The following ADAM18 variants were observed in gnomAD, a reference collection of about 807,000 sequenced individuals.
ADAM18 encodes the protein disintegrin and metalloproteinase domain-containing protein 18.
A neutral mutation model predicts 94.4 loss-of-function variants in ADAM18; 117 were observed. That is an observed-to-expected ratio of 1.24 (90% CI 1.07 to 1.45). ADAM18 has a LOEUF of 1.45. Ranked by LOEUF, ADAM18 falls within the 40% of genes most tolerant of loss-of-function variation. ADAM18 has a pLI of 0.00. For synonymous variants in ADAM18, 327 were observed against 291.6 expected, an observed-to-expected ratio of 1.12 and a Z score of -1.24; for missense variants, 936 against 880.0, an observed-to-expected ratio of 1.06 and a Z score of -0.81.
intron 3 of ADAM18, among the ~76,000 whole-genome samples, chr8:39,607,107 A>G (rs2129578370): frequency 6.6e-6 from 1 of 152,310 alleles, no homozygotes; most frequent in Admixed American, 6.5e-5. Context: ...TCTATTTTTA[A>G]CAAGTTTACT....
intron 2 of ADAM18, among the ~76,000 whole-genome samples, chr8:39,596,488 T>A (rs1027829979): frequency 1.3e-5 from 2 of 152,226 alleles, no homozygotes; most frequent in Non-Finnish European, 1.5e-5. Context: ...AAGATTCTTT[T>A]ATGTCTTTTA....
chr8:39,718,690 C>G (rs1171706969), intron 18 of ADAM18, among the ~76,000 whole-genome samples: 2 of 149,960 alleles, frequency 1.3e-5, no homozygotes, highest in African/African-American at 2.4e-5. Context: ...CAATCTAGAT[C>G]TCTCGTTAGG....
At chr8:39,589,499 G>A (rs1406747100) in intron 2 of ADAM18, among the ~76,000 whole-genome samples, 1 of 151,890 alleles carries the variant, frequency 6.6e-6, no homozygotes, top group African/African-American at 2.4e-5. Context: ...TACATATTGT[G>A]TATAAATTAT....
chr8:39,708,466 A>G (rs1453041548), intron 18 of ADAM18, among the ~76,000 whole-genome samples: 1 of 152,226 alleles, frequency 6.6e-6, no homozygotes, highest in African/African-American at 2.4e-5. Flanking sequence ...TTTATTCTCA[A>G]TGAACTCTGG....
rs529058875 is a variant in ADAM18 at position 39,631,652 on chromosome 8, TG to T, written c.588+2216del. Among the ~76,000 whole-genome samples the T allele has an allele frequency of 2.0e-5, 3 of 152,128 alleles. No homozygotes were observed. In the East Asian group the frequency reaches 5.8e-4, roughly 29 times the overall value. On this transcript the variant is annotated intron_variant, in intron 7 of 19. Transcript: ENST00000265707. ...ATCTTAATTATTGCTTTGACTATTC[TG>T]GGCCCCTTTTATTTAAATCCATTTT... is the stretch of plus-strand genomic sequence containing the variant.
rs1820402066 is a variant in ADAM18 at position 39,647,072 on chromosome 8, T to A, written c.1047-1272T>A. ...AAAGAAATAAGACACAGAGACAAAG[T>A]ATAGAGAAAAACAGTGGGCCCAGGA... is the stretch of plus-strand genomic sequence containing the variant. On this transcript the variant is annotated intron_variant, in intron 11 of 19. Transcript: ENST00000265707. Among the ~76,000 whole-genome samples, 4 of 151,580 alleles carry A rather than the reference T, an allele frequency of 2.6e-5. No homozygotes were observed. The South Asian group carries it at 6.3e-4, about 24-fold the overall frequency.
At chr8:39,609,811 T>G (rs1326115682) in intron 5 of ADAM18, among the ~76,000 whole-genome samples, 1 of 152,148 alleles carries the variant, frequency 6.6e-6, no homozygotes, top group Non-Finnish European at 1.5e-5. Context: ...AAATATCTCC[T>G]TAAGTATGAT....
intron 2 of ADAM18, among the ~76,000 whole-genome samples, chr8:39,603,719 G>A (rs1295038770): frequency 6.6e-6 from 1 of 152,112 alleles, no homozygotes. Flanking sequence ...GACCCTTGAT[G>A]AGCACATTAA....
intron 14 of ADAM18, among the ~76,000 whole-genome samples, chr8:39,669,168 G>A (rs1185005118): frequency 6.6e-6 from 1 of 150,614 alleles, no homozygotes; most frequent in Non-Finnish European, 1.5e-5. Context: ...TTTCTGTAAG[G>A]TTCATTAAGT....
intron 14 of ADAM18, 75 bp downstream of exon 14, chr8:39,668,271 C>T (rs1821051737): frequency 4.4e-6 from 6 of 1,359,090 alleles, no homozygotes; most frequent in South Asian, 1.4e-5. Flanking sequence ...TACCACACAA[C>T]TCTAGAAGTG....
intron 14 of ADAM18, among the ~76,000 whole-genome samples, chr8:39,673,343 A>C (rs1821207925): frequency 6.6e-6 from 1 of 152,100 alleles, no homozygotes; most frequent in South Asian, 2.1e-4. Context: ...TTGTACTTTA[A>C]GTTCTAGGGT....
intron 18 of ADAM18, among the ~76,000 whole-genome samples, chr8:39,709,026 T>A (rs1187008075): frequency 6.6e-6 from 1 of 152,114 alleles, no homozygotes; most frequent in Non-Finnish European, 1.5e-5. Flanking sequence ...TCATGTGAGG[T>A]GGTAGCTCTC....
intron 14 of ADAM18, among the ~76,000 whole-genome samples, chr8:39,672,054 C>T (rs1563300538): frequency 1.3e-5 from 2 of 151,392 alleles, no homozygotes; most frequent in Non-Finnish European, 3.0e-5. Flanking sequence ...ACTAGGATGG[C>T]TTCCAGCAGC....
chr8:39,615,644 A>G (rs1439085072), intron 6 of ADAM18, among the ~76,000 whole-genome samples: 2 of 152,170 alleles, frequency 1.3e-5, no homozygotes, highest in African/African-American at 4.8e-5. Context: ...CCTCTTAAGA[A>G]CCAGAACAAG....
chr8:39,698,435 G>A (rs930838923), intron 17 of ADAM18, among the ~76,000 whole-genome samples: 1 of 151,620 alleles, frequency 6.6e-6, no homozygotes, highest in East Asian at 1.9e-4. Flanking sequence ...TCCTGGTATT[G>A]TTAATTTATG....
chr8:39,718,962 A>G (rs1000014978), intron 18 of ADAM18, among the ~76,000 whole-genome samples: 1 of 151,388 alleles, frequency 6.6e-6, no homozygotes, highest in African/African-American at 2.4e-5. Context: ...AAAATCATCC[A>G]TCAGGCTCTT....
chr8:39,629,287 A>G, intron 6 of ADAM18, 87 bp from the exon 7 acceptor site: 1 of 1,010,570 alleles, frequency 9.9e-7, no homozygotes, highest in Non-Finnish European at 1.5e-6. Context: ...CTTATATGCA[A>G]TTTTTCGCTG....
intron 16 of ADAM18, among the ~76,000 whole-genome samples, chr8:39,682,970 G>T (rs1821509891): frequency 6.6e-6 from 1 of 152,246 alleles, no homozygotes; most frequent in African/African-American, 2.4e-5. Flanking sequence ...ATCTTCTTCT[G>T]TTCACTCCCT....
At chr8:39,703,198 G>T (rs894652320) in intron 17 of ADAM18, among the ~76,000 whole-genome samples, 7 of 151,966 alleles carry the variant, frequency 4.6e-5, no homozygotes, top group African/African-American at 1.7e-4. Context: ...CCTTTCACCT[G>T]CCTAGTTAGC....
Sources: allele counts gnomAD v4.1 joint callset (sites outside exome capture counted in the v4.1 genomes callset), GRCh38; gene constraint gnomAD v4.1.1; transcripts MANE v1.5; gene names NCBI Gene and HGNC (gene_info 2026-07-23, HGNC 2026-07-21).